DKK1: variants seen among roughly 807,000 people sequenced by gnomAD.
The protein encoded by DKK1 is dickkopf-related protein 1.
DKK1 carries 18 observed loss-of-function variants against 26.0 expected under a neutral mutation model. The observed-to-expected ratio is 0.69, with a 90% CI of 0.48 to 1.03. The LOEUF (loss-of-function observed/expected upper bound fraction) is 1.03, where lower values mean the gene tolerates loss of function less well. Ranked by LOEUF, DKK1 falls within the 50% of genes least tolerant of loss-of-function variation. The pLI is 0.00. For missense variants in DKK1, 335 were observed against 348.5 expected (o/e 0.96, Z 0.31); for synonymous variants, 130 against 132.6 (o/e 0.98, Z 0.13).
Position 52,314,907 on chromosome 10 carries a change from C to A in DKK1, c.244-16C>A. 1 of 1,494,684 alleles carries A rather than the reference C, an allele frequency of 6.7e-7. No homozygotes were observed. Among genetic ancestry groups the A allele is most frequent in the Non-Finnish European group, 9.0e-7 (1 of 1,116,912 alleles). 92.6% of individuals were successfully genotyped at this position (1,494,684 alleles called of 1,614,324 possible). Reference sequence around the variant, plus strand: ...ACGTCTGGGTGCCTCACCCTCTCCCCGAACCCTTCCCACAGCCGTACCCGT... The same window carrying A: ...ACGTCTGGGTGCCTCACCCTCTCCCAGAACCCTTCCCACAGCCGTACCCGT... On this transcript the variant is annotated splice_polypyrimidine_tract_variant and intron_variant, in intron 1 of 3. Coordinates refer to ENST00000373970, the MANE Select transcript of DKK1 (RefSeq NM_012242.4). This position sits in a 1 kb window ranked among gnomAD's most constrained non-coding sequence, Gnocchi z 5.7.
Position 52,314,596 on chromosome 10 carries a change from G to A in DKK1, c.162G>A (p.Gly54=). Residue 54 remains glycine (G), a synonymous_variant, in exon 1 of 4, where the codon GGG becomes GGA. Transcript: ENST00000373970. The surrounding 1 kb of genome is among the most constrained non-coding windows in gnomAD (Gnocchi z 5.7). The stretch of plus-strand genomic sequence containing the variant: ...CCCCACCGCTGGGCGGCGCTGCGGG[G>A]CACCCAGGCTCTGCAGTCAGCGCCG... ...NLPPPLGGAA[G]HPGSAVSAAP... 6.2e-7 allele frequency: 1 copy of A among 1,613,490 alleles called. No individual in the cohort carries two copies. Among genetic ancestry groups the A allele is most frequent in the Non-Finnish European group, 8.5e-7 (1 of 1,179,960 alleles).
At position 52,314,540 on chromosome 10, in the gene DKK1, G is replaced by A. The variant is rs776643011; in HGVS notation, c.106G>A (p.Val36Ile). ...LLGVSATLNS[V>I]LNSNAIKNLP... is the part of the protein sequence containing the mutation. ...GGGAGTGAGCGCCACCTTGAACTCG[G>A]TTCTCAATTCCAACGCTATCAAGAA... The change falls in exon 1 of 4, where the codon GTT becomes ATT. Residue 36 changes from valine to isoleucine, a missense_variant. Transcript: ENST00000373970. This position sits in a 1 kb window ranked among gnomAD's most constrained non-coding sequence, Gnocchi z 5.7. 5 of 1,613,848 alleles carry A rather than the reference G, an allele frequency of 3.1e-6. No individual in the cohort carries two copies. The highest frequency in any genetic ancestry group is 3.4e-6 in the Non-Finnish European group (4 of 1,180,008).
rs533863517 is a variant in DKK1 at position 52,314,924 on chromosome 10, C to T, written c.245C>T (p.Pro82Leu). 6 of 1,525,572 alleles carry T rather than the reference C, an allele frequency of 3.9e-6. No homozygotes were observed. The Admixed American group carries it at 6.1e-5, about 15-fold the overall frequency. The allele number at this position is 1,525,572 out of a possible 1,614,324, so 94.5% of individuals were successfully genotyped here. Reference sequence around the variant, plus strand: ...CCTCTCCCCGAACCCTTCCCACAGCCGTACCCGTGCGCAGAGGACGAGGAG... The same window carrying T: ...CCTCTCCCCGAACCCTTCCCACAGCTGTACCCGTGCGCAGAGGACGAGGAG... The part of the protein sequence containing the change: ...NKYQTIDNYQ[P>L]YPCAEDEECG... Residue 82 changes from proline (P) to leucine (L), a missense_variant and splice_region_variant, in exon 2 of 4, where the codon CCG becomes CTG. Physicochemically the swap from Pro to Leu is moderately conservative, Grantham distance 98. Coordinates refer to ENST00000373970, the MANE Select transcript of DKK1 (RefSeq NM_012242.4). This position sits in a 1 kb window ranked among gnomAD's most constrained non-coding sequence, Gnocchi z 5.7.
chr10:52,315,358 G>C, intron 2 of DKK1: 1 of 339,802 alleles, frequency 2.9e-6, no homozygotes. Flanking sequence ...GGTTCACCTC[G>C]TAGTGGACTC....
At position 52,314,683 on chromosome 10, in the gene DKK1, AG is replaced by A; in HGVS notation, c.243+10del. ...AGACCATTGACAACTACCAGGTGAG[AG>A]GGGTCGGGCACTCAGAGGATGCTCT... On this transcript the variant is annotated splice_region_variant and intron_variant, in intron 1 of 3. Transcript: ENST00000373970. The surrounding 1 kb of genome is among the most constrained non-coding windows in gnomAD (Gnocchi z 5.7). 1 of 1,611,656 alleles carries A rather than the reference AG, an allele frequency of 6.2e-7. No individual in the cohort carries two copies. The highest frequency in any genetic ancestry group is 8.5e-7 in the Non-Finnish European group (1 of 1,178,968).
Position 52,314,944 on chromosome 10 carries a change from G to C in DKK1, c.265G>C (p.Glu89Gln), listed in dbSNP as rs778192698. ...NYQPYPCAED[E>Q]ECGTDEYCAS... Reference sequence around the variant, plus strand: ...ACAGCCGTACCCGTGCGCAGAGGACGAGGAGTGCGGCACTGATGAGTACTG... The same window carrying C: ...ACAGCCGTACCCGTGCGCAGAGGACCAGGAGTGCGGCACTGATGAGTACTG... Residue 89 changes from glutamate (E) to glutamine (Q), a missense_variant, in exon 2 of 4, where the codon GAG becomes CAG. Physicochemically the swap from Glu to Gln is conservative, Grantham distance 29 (BLOSUM62 2). Coordinates refer to ENST00000373970, the MANE Select transcript of DKK1 (RefSeq NM_012242.4). This position sits in a 1 kb window ranked among gnomAD's most constrained non-coding sequence, Gnocchi z 5.7. 6.4e-7 allele frequency: 1 copy of C among 1,560,058 alleles called. No individual in the cohort carries two copies.
chr10:52,315,001 G>A lies in DKK1; in HGVS notation c.322G>A (p.Val108Met), dbSNP rs576196926. ...TCCCACCCGCGGAGGGGACGCAGGC[G>A]TGCAAATCTGTCTCGCCTGCAGGAA... ...ASPTRGGDAG[V>M]QICLACRKRR... is the part of the protein sequence containing the mutation. The change falls in exon 2 of 4, where the codon GTG (valine) becomes ATG (methionine). Residue 108 changes from valine to methionine, a missense_variant. Coordinates refer to ENST00000373970, the MANE Select transcript of DKK1 (RefSeq NM_012242.4). 4 of 1,605,604 alleles carry A rather than the reference G, an allele frequency of 2.5e-6. No homozygotes were observed. The highest frequency in any genetic ancestry group is 2.2e-5 in the East Asian group (1 of 44,570).
chr10:52,314,708 C>T lies in DKK1; in HGVS notation c.243+31C>T. 1 of 1,607,430 alleles carries T rather than the reference C, an allele frequency of 6.2e-7. No homozygotes were observed. Among genetic ancestry groups the T allele is most frequent in the Non-Finnish European group, 8.5e-7 (1 of 1,176,422 alleles). On this transcript the variant is annotated intron_variant, in intron 1 of 3. Transcript: ENST00000373970. This position sits in a 1 kb window ranked among gnomAD's most constrained non-coding sequence, Gnocchi z 5.7. ...AGGGGTCGGGCACTCAGAGGATGCT[C>T]TGACCTTGAAAGGGTCCTATCTGGA...
chr10:52,316,467 C>T, intron 3 of DKK1, 32 bp downstream of exon 3: 1 of 1,611,092 alleles, frequency 6.2e-7, no homozygotes, highest in Middle Eastern at 1.7e-4. Flanking sequence ...CTTAGCACAT[C>T]AGAAGTGTCT....
In DKK1 at chr10:52,315,093, C is replaced by T. The variant is rs375857052; in HGVS notation, c.406+8C>T. On this transcript the variant is annotated splice_region_variant and intron_variant, in intron 2 of 3. Coordinates refer to ENST00000373970, the MANE Select transcript of DKK1 (RefSeq NM_012242.4). ...GGAATTACTGCAAAAATGGTGAGTC[C>T]TGAAAGCTCCCTTTCACACTAAAAC... The T allele has an allele frequency of 3.4e-5, 51 of 1,497,322 alleles. No homozygotes were observed. In the African/African-American group the frequency reaches 7.5e-4, roughly 22 times the overall value. 92.8% of individuals were successfully genotyped at this position (1,497,322 alleles called of 1,614,324 possible).
chr10:52,315,135 G>A (rs1054832936), intron 2 of DKK1, 50 bp downstream of exon 2: 4 of 824,644 alleles, frequency 4.9e-6, no homozygotes, highest in Non-Finnish European at 6.1e-6. Flanking sequence ...GCCTTTGAGC[G>A]TCTATGAATT....
chr10:52,314,337 C>T lies in DKK1; in HGVS notation c.-98C>T. 6.4e-7 allele frequency: 1 copy of T among 1,555,772 alleles called. No homozygotes were observed. Among genetic ancestry groups the T allele is most frequent in the South Asian group, 1.2e-5 (1 of 82,248 alleles). On this transcript the variant is annotated 5_prime_UTR_variant, in exon 1 of 4. Transcript: ENST00000373970. The surrounding 1 kb of genome is among the most constrained non-coding windows in gnomAD (Gnocchi z 5.7). ...CTGGGACCGCAGGGGGCTCCCGGAC[C>T]CTGACTCTGCAGCCGAACCGGCACG...
Position 52,314,999 on chromosome 10 carries a change from G to A in DKK1, c.320G>A (p.Gly107Asp), listed in dbSNP as rs1307877328. 13 of 1,605,712 alleles carry A rather than the reference G, an allele frequency of 8.1e-6. No individual in the cohort carries two copies. Among genetic ancestry groups the A allele is most frequent in the Non-Finnish European group, 1.1e-5 (13 of 1,174,138 alleles). Reference protein sequence around the residue: ...CASPTRGGDAGVQICLACRKR... With the variant: ...CASPTRGGDADVQICLACRKR... ...AGTCCCACCCGCGGAGGGGACGCAGGCGTGCAAATCTGTCTCGCCTGCAGG... is the reference window on the plus strand; with the variant it reads ...AGTCCCACCCGCGGAGGGGACGCAGACGTGCAAATCTGTCTCGCCTGCAGG... The change falls in exon 2 of 4, where the codon GGC becomes GAC. Residue 107 changes from glycine to aspartate, a missense_variant. Transcript: ENST00000373970. This position sits in a 1 kb window ranked among gnomAD's most constrained non-coding sequence, Gnocchi z 5.7.
chr10:52,314,840 G>C lies in DKK1; in HGVS notation c.244-83G>C. The C allele has an allele frequency of 6.8e-7, 1 of 1,465,444 alleles. No homozygotes were observed. Among genetic ancestry groups the C allele is most frequent in the Non-Finnish European group, 9.1e-7 (1 of 1,104,016 alleles). 90.8% of individuals were successfully genotyped at this position (1,465,444 alleles called of 1,614,324 possible). ...AGGTTTTGGAGAGGTGGACAGATAA[G>C]GACTGTGATCAGCGCCCGGGTCCAA... On this transcript the variant is annotated intron_variant, in intron 1 of 3. Transcript: ENST00000373970. The surrounding 1 kb of genome is among the most constrained non-coding windows in gnomAD (Gnocchi z 5.7).
At position 52,314,731 on chromosome 10, in the gene DKK1, G is replaced by A; in HGVS notation, c.243+54G>A. The stretch of plus-strand genomic sequence containing the variant: ...CTCTGACCTTGAAAGGGTCCTATCT[G>A]GAGACGAGGGAGTAGAACGTGCTGA... On this transcript the variant is annotated intron_variant, in intron 1 of 3. Transcript: ENST00000373970. This position sits in a 1 kb window ranked among gnomAD's most constrained non-coding sequence, Gnocchi z 5.7. The A allele has an allele frequency of 6.3e-7, 1 of 1,590,288 alleles. No individual in the cohort carries two copies. Among genetic ancestry groups the A allele is most frequent in the South Asian group, 1.1e-5 (1 of 87,638 alleles).
Position 52,314,822 on chromosome 10 carries a change from G to A in DKK1, c.244-101G>A, listed in dbSNP as rs1289624782. 7.4e-6 allele frequency: 11 copies of A among 1,477,976 alleles called. No homozygotes were observed. The highest frequency in any genetic ancestry group is 9.9e-6 in the Non-Finnish European group (11 of 1,110,506). The allele number at this position is 1,477,976 out of a possible 1,614,324, so 91.6% of individuals were successfully genotyped here. A position where few individuals can be genotyped will look rare whatever the true frequency, so the allele number is the denominator to read the frequency against. Reference sequence around the variant, plus strand: ...GGAGCAGTGGGCAGTAACAGGTTTTGGAGAGGTGGACAGATAAGGACTGTG... The same window carrying A: ...GGAGCAGTGGGCAGTAACAGGTTTTAGAGAGGTGGACAGATAAGGACTGTG... On this transcript the variant is annotated intron_variant, in intron 1 of 3. Transcript: ENST00000373970. The surrounding 1 kb of genome is among the most constrained non-coding windows in gnomAD (Gnocchi z 5.7).
chr10:52,314,395 G>A lies in DKK1; in HGVS notation c.-40G>A, dbSNP rs1041746885. The A allele has an allele frequency of 8.7e-6, 14 of 1,609,650 alleles. No homozygotes were observed. The highest frequency in any genetic ancestry group is 1.0e-5 in the Non-Finnish European group (12 of 1,177,532). On this transcript the variant is annotated 5_prime_UTR_variant, in exon 1 of 4. Coordinates refer to ENST00000373970, the MANE Select transcript of DKK1 (RefSeq NM_012242.4). This position sits in a 1 kb window ranked among gnomAD's most constrained non-coding sequence, Gnocchi z 5.7. ...GGGGACCCAGGCTTGCAAAGTGACG[G>A]TCATTTTCTCTTTCTTTCTCCCTCT...
chr10:52,314,308 G>C lies in DKK1; in HGVS notation c.-127G>C. On this transcript the variant is annotated 5_prime_UTR_variant, in exon 1 of 4. Coordinates refer to ENST00000373970, the MANE Select transcript of DKK1 (RefSeq NM_012242.4). This position sits in a 1 kb window ranked among gnomAD's most constrained non-coding sequence, Gnocchi z 5.7. ...AGAGCTCTGTGCTCCCTGCAGTCAG[G>C]ACTCTGGGACCGCAGGGGGCTCCCG... 7.1e-7 allele frequency: 1 copy of C among 1,409,818 alleles called. No individual in the cohort carries two copies. The highest frequency in any genetic ancestry group is 9.7e-7 in the Non-Finnish European group (1 of 1,035,486). The allele number at this position is 1,409,818 out of a possible 1,614,324, so 87.3% of individuals were successfully genotyped here. A position where few individuals can be genotyped will look rare whatever the true frequency, so the allele number is the denominator to read the frequency against.
chr10:52,315,638 T>TCC (rs1252397838), intron 2 of DKK1, among the ~76,000 whole-genome samples: 1 of 151,916 alleles, frequency 6.6e-6, no homozygotes, highest in Non-Finnish European at 1.5e-5. Context: ...TCTCCATCCT[T>TCC]CCCCCTCCCT....
Sources: gnomAD v4.1 joint callset for allele counts (sites outside exome capture counted in the v4.1 genomes callset) on GRCh38, gnomAD v4.1.1 for gene constraint, Gnocchi (gnomAD v3.1) non-coding constraint, MANE v1.5 for transcripts, NCBI Gene and HGNC (gene_info 2026-07-23, HGNC 2026-07-21) for gene names.